Variants in UBXN4 observed in about 807,000 individuals in gnomAD.
UBXN4 encodes UBX domain protein 4.
Under a neutral mutation model 66.2 loss-of-function variants are expected in UBXN4, and 35 were observed. That is an observed-to-expected ratio of 0.53 (90% confidence interval 0.40 to 0.70). The LOEUF is 0.70. UBXN4 is among the 30% of genes least tolerant of loss of function. UBXN4 has a pLI of 0.00. For synonymous variants in UBXN4, 203 were observed against 204.5 expected, an observed-to-expected ratio of 0.99 and a Z score of 0.06; for missense variants, 533 against 599.8, an observed-to-expected ratio of 0.89 and a Z score of 1.16.
chr2:135,773,222 A>G (rs2077394413), intron 9 of UBXN4, among the ~76,000 whole-genome samples: 1 of 152,232 alleles, frequency 6.6e-6, no homozygotes, highest in Non-Finnish European at 1.5e-5. Flanking sequence ...CAGAAATCCA[A>G]GGGTGAATTT....
At chr2:135,748,952 C>T (rs1435786408) in intron 2 of UBXN4, among the ~76,000 whole-genome samples, 1 of 151,766 alleles carries the variant, frequency 6.6e-6, no homozygotes, top group East Asian at 1.9e-4. Context: ...AAGAGGATCA[C>T]TTGAGCCCAG....
intron 6 of UBXN4, among the ~76,000 whole-genome samples, chr2:135,763,684 G>A (rs1233112514): frequency 5.3e-5 from 8 of 152,090 alleles, no homozygotes; most frequent in Admixed American, 4.6e-4. Flanking sequence ...AAATTAATTG[G>A]GTGAGGTGGT....
Position 135,754,268 on chromosome 2 carries a change from G to A in UBXN4, c.324G>A (p.Lys108=), listed in dbSNP as rs1283612065. Reference sequence around the variant, plus strand: ...ATGAACTTGTTACAAGAATTCACAAGGTCCGACAGGTAAGAAGGAACAGAA... The same window carrying A: ...ATGAACTTGTTACAAGAATTCACAAAGTCCGACAGGTAAGAAGGAACAGAA... ...SADELVTRIH[K]VRQMHLLKSE... Residue 108 remains lysine, a synonymous_variant, in exon 4 of 13, where the codon AAG becomes AAA. Coordinates refer to ENST00000272638, the MANE Select transcript of UBXN4 (RefSeq NM_014607.4). The A allele has an allele frequency of 4.3e-6, 7 of 1,611,652 alleles. No homozygotes were observed. Among genetic ancestry groups the A allele is most frequent in the Non-Finnish European group, 5.9e-6 (7 of 1,178,090 alleles).
At chr2:135,773,171 A>T (rs1039013751) in intron 9 of UBXN4, among the ~76,000 whole-genome samples, 1 of 152,148 alleles carries the variant, frequency 6.6e-6, no homozygotes, top group Non-Finnish European at 1.5e-5. Context: ...CCCCTATCCG[A>T]TAGGATTAAG....
chr2:135,748,965 G>A (rs1345994884), intron 2 of UBXN4, among the ~76,000 whole-genome samples: 4 of 151,972 alleles, frequency 2.6e-5, no homozygotes, highest in Non-Finnish European at 5.9e-5. Flanking sequence ...GAGCCCAGGA[G>A]GTTGAAGTTG....
chr2:135,745,169 T>C (rs1171992149), intron 1 of UBXN4, among the ~76,000 whole-genome samples: 2 of 152,228 alleles, frequency 1.3e-5, no homozygotes, highest in Non-Finnish European at 2.9e-5. Flanking sequence ...ACCATACATC[T>C]GGTTGGATAA....
At chr2:135,765,161 T>C (rs1428516385) in intron 6 of UBXN4, among the ~76,000 whole-genome samples, 1 of 152,090 alleles carries the variant, frequency 6.6e-6, no homozygotes, top group Non-Finnish European at 1.5e-5. Context: ...ATAGGAATCT[T>C]TTAGCGAATC....
intron 8 of UBXN4, among the ~76,000 whole-genome samples, chr2:135,772,152 T>A (rs935035591): frequency 6.6e-6 from 1 of 151,266 alleles, no homozygotes; most frequent in Non-Finnish European, 1.5e-5. Flanking sequence ...AGACCCCACC[T>A]CTACAAGAAA....
intron 6 of UBXN4, among the ~76,000 whole-genome samples, chr2:135,765,301 C>G (rs1247975828): frequency 1.3e-5 from 2 of 152,048 alleles, no homozygotes; most frequent in Non-Finnish European, 2.9e-5. Context: ...CCTCCACCTC[C>G]CAGATTCAAG....
In UBXN4 at chr2:135,741,893, C is replaced by T. The variant is rs748653348; in HGVS notation, c.-37C>T. 11 of 1,596,526 alleles carry T rather than the reference C, an allele frequency of 6.9e-6. No homozygotes were observed. Among genetic ancestry groups the T allele is most frequent in the Non-Finnish European group, 8.5e-6 (10 of 1,172,108 alleles). On this transcript the variant is annotated 5_prime_UTR_variant, in exon 1 of 13. Coordinates refer to ENST00000272638, the MANE Select transcript of UBXN4 (RefSeq NM_014607.4). The stretch of plus-strand genomic sequence containing the variant: ...GGAGCCGGCTTCGGGACTGCGGAGA[C>T]TACACACCGAGCGAGCGCCTGGGCC...
chr2:135,753,112 C>G (rs1458121382), intron 2 of UBXN4, among the ~76,000 whole-genome samples: 1 of 150,956 alleles, frequency 6.6e-6, no homozygotes, highest in Non-Finnish European at 1.5e-5. Context: ...AAACTTCCAC[C>G]TCCTGGGTTC....
intron 12 of UBXN4, among the ~76,000 whole-genome samples, chr2:135,781,159 C>CA (rs1187277898): frequency 6.6e-6 from 1 of 152,208 alleles, no homozygotes; most frequent in East Asian, 1.9e-4. Context: ...ATTGAGGCTG[C>CA]AGTGAGCCAA....
intron 2 of UBXN4, among the ~76,000 whole-genome samples, chr2:135,753,278 C>T (rs919509056): frequency 2.0e-5 from 3 of 152,160 alleles, no homozygotes; most frequent in Admixed American, 6.6e-5. Flanking sequence ...CCTGCCTCGG[C>T]CTCCCAAAAT....
Position 135,782,800 on chromosome 2 carries a change from G to A in UBXN4, c.1440G>A (p.Lys480=). 1 of 1,613,910 alleles carries A rather than the reference G, an allele frequency of 6.2e-7. No homozygotes were observed. The highest frequency in any genetic ancestry group is 8.5e-7 in the Non-Finnish European group (1 of 1,179,928). The change falls in exon 13 of 13, where the codon AAG becomes AAA. Residue 480 remains lysine, a synonymous_variant. Transcript: ENST00000272638. ...VLEKRGDDFK[K]EGKIYRLRTQ... ...AAAAACGTGGAGACGACTTTAAAAAGGAGGGGAAAATTTATAGATTAAGGA... is the reference window on the plus strand; with the variant it reads ...AAAAACGTGGAGACGACTTTAAAAAAGAGGGGAAAATTTATAGATTAAGGA...
intron 9 of UBXN4, 38 bp downstream of exon 9, chr2:135,772,585 G>C: frequency 6.2e-7 from 1 of 1,608,384 alleles, no homozygotes; most frequent in African/African-American, 1.3e-5. Flanking sequence ...TGTGCACATA[G>C]GGGCTGAGGA....
In UBXN4 at chr2:135,745,422, ATTTCT is replaced by A. The variant is rs1400819062; in HGVS notation, c.83-2841_83-2837del. Reference sequence around the variant, plus strand: ...GTTCTCTTGTTATTTTCTCTCATAGATTTCTTTTTAGTAGCATTTATTACTGTAAT... The same window carrying A: ...GTTCTCTTGTTATTTTCTCTCATAGATTTTAGTAGCATTTATTACTGTAAT... On this transcript the variant is annotated intron_variant, in intron 1 of 12. Coordinates refer to ENST00000272638, the MANE Select transcript of UBXN4 (RefSeq NM_014607.4). Among the ~76,000 whole-genome samples, 11 of 152,220 alleles carry A rather than the reference ATTTCT, an allele frequency of 7.2e-5. No individual in the cohort carries two copies. The East Asian group carries it at 2.1e-3, about 29-fold the overall frequency.
At chr2:135,754,457 G>A (rs2077267400) in intron 4 of UBXN4, among the ~76,000 whole-genome samples, 180 bp downstream of exon 4, 2 of 152,130 alleles carry the variant, frequency 1.3e-5, no homozygotes, top group African/African-American at 4.8e-5. Context: ...CAAGTAGCTG[G>A]GATTACAGGC....
In UBXN4 at chr2:135,754,289, C is replaced by T; in HGVS notation, c.333+12C>T. The T allele has an allele frequency of 6.3e-7, 1 of 1,591,318 alleles. No homozygotes were observed. ...ACAAGGTCCGACAGGTAAGAAGGAA[C>T]AGAACTGTTGTTTCCGTAAATGGTA... On this transcript the variant is annotated intron_variant, in intron 4 of 12. Transcript: ENST00000272638.
chr2:135,752,112 ATC>A (rs1366998028), intron 2 of UBXN4, among the ~76,000 whole-genome samples: 2 of 151,970 alleles, frequency 1.3e-5, no homozygotes, highest in African/African-American at 2.4e-5. Flanking sequence ...CAATGGCATG[ATC>A]TCGGCTCACT....
Sources: allele counts gnomAD v4.1 joint callset (sites outside exome capture counted in the v4.1 genomes callset), GRCh38; gene constraint gnomAD v4.1.1; transcripts MANE v1.5; gene names NCBI Gene and HGNC (gene_info 2026-07-23, HGNC 2026-07-21).